The following ROBO2 variants were observed in gnomAD, a reference collection of about 807,000 sequenced individuals.
The protein encoded by ROBO2 is roundabout guidance receptor 2, also known as roundabout homolog 2.
A neutral mutation model predicts 160.8 loss-of-function variants in ROBO2; 53 were observed. The observed-to-expected ratio is 0.33, with a 90% CI of 0.26 to 0.41. The LOEUF (loss-of-function observed/expected upper bound fraction) is 0.41. ROBO2 is among the 10% of genes least tolerant of loss of function. The probability of loss-of-function intolerance (pLI) is 1.00; values close to 1 mark genes in which losing one functional copy is unlikely to be tolerated. For missense variants in ROBO2, 1,577 were observed against 1,722.4 expected, an observed-to-expected ratio of 0.92 and a Z score of 1.49; for synonymous variants, 664 against 611.7, an observed-to-expected ratio of 1.09 and a Z score of -1.26.
intron 2 of ROBO2, among the ~76,000 whole-genome samples, chr3:76,949,639 T>C (rs1156984296): frequency 6.6e-6 from 1 of 152,148 alleles, no homozygotes; most frequent in African/African-American, 2.4e-5. Context: ...ATCGTACTTG[T>C]TTACAAAGGG....
At chr3:77,566,300 T>C (rs2153664564) in intron 12 of ROBO2, among the ~76,000 whole-genome samples, 1 of 152,120 alleles carries the variant, frequency 6.6e-6, no homozygotes, top group East Asian at 1.9e-4. Context: ...TGATTAATTT[T>C]CCATGGCGAT....
intron 2 of ROBO2, among the ~76,000 whole-genome samples, chr3:76,673,303 G>A (rs197097): frequency 0.46 from 69,414 of 151,936 alleles, 16,232 homozygotes; most frequent in African/African-American, 0.54. Flanking sequence ...CATTGAGATC[G>A]GAAACATCAG....
intron 2 of ROBO2, among the ~76,000 whole-genome samples, chr3:76,119,026 T>A (rs1175066299): frequency 6.6e-6 from 1 of 152,154 alleles, no homozygotes; most frequent in Non-Finnish European, 1.5e-5. Context: ...TTTAAATGAC[T>A]ACTCTTGGGA....
At chr3:76,016,582 G>A (rs1314459664) in intron 2 of ROBO2, among the ~76,000 whole-genome samples, 1 of 151,638 alleles carries the variant, frequency 6.6e-6, no homozygotes, top group Admixed American at 6.6e-5. Flanking sequence ...TGAAGAGGAA[G>A]ACTGTTTACT....
intron 2 of ROBO2, among the ~76,000 whole-genome samples, chr3:76,926,975 A>C (rs2077029119): frequency 6.6e-6 from 1 of 152,112 alleles, no homozygotes; most frequent in Admixed American, 6.6e-5. Context: ...TTACTCTTAT[A>C]AAATTTCCTG....
At chr3:76,104,971 A>C (rs570889489) in intron 2 of ROBO2, among the ~76,000 whole-genome samples, 1 of 152,304 alleles carries the variant, frequency 6.6e-6, no homozygotes, top group Non-Finnish European at 1.5e-5. Context: ...CACCTTCCAA[A>C]CTGAAGGAGA....
intron 2 of ROBO2, among the ~76,000 whole-genome samples, chr3:76,373,094 C>T (rs1024371074): frequency 3.3e-5 from 5 of 151,966 alleles, no homozygotes; most frequent in African/African-American, 1.2e-4. Flanking sequence ...ATAAGAGCAT[C>T]TAGTCAAGGG....
chr3:76,480,556 G>A (rs1277374009), intron 2 of ROBO2, among the ~76,000 whole-genome samples: 1 of 152,094 alleles, frequency 6.6e-6, no homozygotes, highest in East Asian at 1.9e-4. Flanking sequence ...AGATCTAGAG[G>A]CTGAGAAGTC....
chr3:77,229,091 C>T (rs1044851757), intron 2 of ROBO2, among the ~76,000 whole-genome samples: 2 of 152,102 alleles, frequency 1.3e-5, no homozygotes, highest in Non-Finnish European at 1.5e-5. Flanking sequence ...TCTAAGCCTT[C>T]GCCATGGTTT....
At chr3:77,380,135 T>C (rs1457872771) in intron 2 of ROBO2, among the ~76,000 whole-genome samples, 1 of 152,226 alleles carries the variant, frequency 6.6e-6, no homozygotes, top group Admixed American at 6.5e-5. Flanking sequence ...CAAGGAACAC[T>C]TATCAAAGTA....
At chr3:77,478,678 T>C (rs145758235) in intron 3 of ROBO2, among the ~76,000 whole-genome samples, 28 of 152,340 alleles carry the variant, frequency 1.8e-4, no homozygotes, top group African/African-American at 6.5e-4. Flanking sequence ...AGATAATTTC[T>C]CATTTGACTG....
chr3:75,959,570 C>T (rs918047785), intron 2 of ROBO2, among the ~76,000 whole-genome samples: 26 of 151,814 alleles, frequency 1.7e-4, no homozygotes, highest in African/African-American at 6.3e-4. Flanking sequence ...TTTCTTTGCT[C>T]TTCAGTATTA....
At chr3:76,230,504 T>G (rs2107466986) in intron 2 of ROBO2, among the ~76,000 whole-genome samples, 1 of 152,250 alleles carries the variant, frequency 6.6e-6, no homozygotes, top group African/African-American at 2.4e-5. Flanking sequence ...TTTAGGGTGC[T>G]TCATGTCTCT....
At chr3:76,813,466 A>G (rs1560609320) in intron 2 of ROBO2, among the ~76,000 whole-genome samples, 2 of 152,162 alleles carry the variant, frequency 1.3e-5, no homozygotes, top group South Asian at 4.1e-4. Context: ...AGAAACAAGA[A>G]TAATTTTCTC....
At chr3:77,465,705 A>T (rs1338368028) in intron 2 of ROBO2, among the ~76,000 whole-genome samples, 1 of 152,210 alleles carries the variant, frequency 6.6e-6, no homozygotes, top group African/African-American at 2.4e-5. Flanking sequence ...GGTAAAACAC[A>T]CATATAATTA....
At chr3:76,311,867 T>TCTTTATTAACACAACAACA (rs1273022010) in intron 2 of ROBO2, among the ~76,000 whole-genome samples, 2 of 152,212 alleles carry the variant, frequency 1.3e-5, no homozygotes. Flanking sequence ...GCTGACTCTA[T>TCTTTATTAACACAACAACA]CAGTGTTGAT....
Position 77,529,362 on chromosome 3 carries a change from T to C in ROBO2, c.934+6460T>C, listed in dbSNP as rs75959237. On this transcript the variant is annotated intron_variant, in intron 6 of 25. Transcript: ENST00000461745. ...ATAGATGAATGATTGAAAACATTTC[T>C]CAATAGAAAGGATGACAGTAGGTGT... Among the ~76,000 whole-genome samples the C allele has an allele frequency of 6.4e-3, 977 of 151,662 alleles. 10 individuals are homozygous for C. The highest frequency in any genetic ancestry group is 0.023 in the African/African-American group (940 of 41,462).
At chr3:76,107,060 A>G (rs1036541302) in intron 2 of ROBO2, among the ~76,000 whole-genome samples, 1 of 152,156 alleles carries the variant, frequency 6.6e-6, no homozygotes, top group Non-Finnish European at 1.5e-5. Context: ...ATATTAGTCA[A>G]TGGAAAACTT....
chr3:77,541,002 AAT>A (rs1479819497), intron 6 of ROBO2, among the ~76,000 whole-genome samples: 8 of 152,208 alleles, frequency 5.3e-5, no homozygotes, highest in Non-Finnish European at 8.8e-5. Context: ...ATGCTTATAG[AAT>A]ATGTTAGTAT....
Sources: gnomAD v4.1 joint callset for allele counts (sites outside exome capture counted in the v4.1 genomes callset) on GRCh38, gnomAD v4.1.1 for gene constraint, MANE v1.5 for transcripts, NCBI Gene and HGNC (gene_info 2026-07-23, HGNC 2026-07-21) for gene names.